Variants in RIPOR3 observed in about 807,000 individuals in gnomAD.
RIPOR3 encodes family with sequence similarity 65 member C.
Under a neutral mutation model 114.3 loss-of-function variants are expected in RIPOR3, and 95 were observed. The ratio of observed to expected loss-of-function variants is 0.83; its 90% CI spans 0.70 to 0.99. The LOEUF (loss-of-function observed/expected upper bound fraction) is 0.99, where lower values mean the gene tolerates loss of function less well. Ranked by LOEUF, RIPOR3 falls within the 50% of genes least tolerant of loss-of-function variation. The pLI, the probability that RIPOR3 is intolerant of heterozygous loss-of-function variation, is 0.00. For synonymous variants in RIPOR3, 575 were observed against 543.8 expected, an observed-to-expected ratio of 1.06 and a Z score of -0.80; for missense variants, 1,252 against 1,266.9, an observed-to-expected ratio of 0.99 and a Z score of 0.18.
chr20:50,626,549 C>G (rs560803196), intron 2 of RIPOR3, among the ~76,000 whole-genome samples: 4 of 152,190 alleles, frequency 2.6e-5, no homozygotes, highest in Non-Finnish European at 5.9e-5. Flanking sequence ...AGAGGCCTAC[C>G]GTGGGGGCAC....
chr20:50,676,959 T>C (rs1368188081), intron 1 of RIPOR3, among the ~76,000 whole-genome samples: 1 of 152,144 alleles, frequency 6.6e-6, no homozygotes, highest in Admixed American at 6.6e-5. Flanking sequence ...ACCAGCTGCG[T>C]GCACCGCATT....
rs182759131 is a variant in RIPOR3 at position 50,633,245 on chromosome 20, G to A, written c.4-2389C>T. On this transcript the variant is annotated intron_variant, in intron 1 of 21. Coordinates refer to ENST00000327979, the MANE Select transcript of RIPOR3 (RefSeq NM_001290268.2). ...CCACTGCACTCCAGCCTGGGCAACAGAGCAAGACTCTGACTAAAAAAAACA... is the reference window on the plus strand; with the variant it reads ...CCACTGCACTCCAGCCTGGGCAACAAAGCAAGACTCTGACTAAAAAAAACA... Among the ~76,000 whole-genome samples, 18 of 152,226 alleles carry A rather than the reference G, an allele frequency of 1.2e-4. No individual in the cohort carries two copies. The East Asian group carries it at 2.7e-3, about 23-fold the overall frequency.
intron 1 of RIPOR3, among the ~76,000 whole-genome samples, chr20:50,690,394 T>C (rs558014565): frequency 6.6e-6 from 1 of 152,300 alleles, no homozygotes; most frequent in East Asian, 1.9e-4. Flanking sequence ...CGTTCAAGCC[T>C]GGAGCCCCTG....
chr20:50,690,451 TA>T (rs2087171791), intron 1 of RIPOR3, among the ~76,000 whole-genome samples: 1 of 152,156 alleles, frequency 6.6e-6, no homozygotes, highest in Admixed American at 6.5e-5. Context: ...ACACATCCTT[TA>T]GAGAGTAAAA....
intron 1 of RIPOR3, among the ~76,000 whole-genome samples, chr20:50,667,403 C>T (rs1184633245): frequency 1.3e-5 from 2 of 148,306 alleles, no homozygotes; most frequent in African/African-American, 5.0e-5. Flanking sequence ...AAGTGATTCT[C>T]CTGCCTCAAC....
intron 4 of RIPOR3, among the ~76,000 whole-genome samples, chr20:50,613,664 A>G (rs1055349983): frequency 2.0e-5 from 3 of 152,142 alleles, no homozygotes; most frequent in East Asian, 3.9e-4. Flanking sequence ...GTGCCCATCT[A>G]TGACATGGGA....
At chr20:50,670,692 T>G (rs939330346) in intron 1 of RIPOR3, among the ~76,000 whole-genome samples, 4 of 152,046 alleles carry the variant, frequency 2.6e-5, no homozygotes, top group African/African-American at 9.7e-5. Flanking sequence ...TAAACACCCA[T>G]GAAGTGAGTC....
intron 1 of RIPOR3, among the ~76,000 whole-genome samples, chr20:50,679,079 T>G (rs529440478): frequency 4.0e-4 from 43 of 107,252 alleles, no homozygotes; most frequent in African/African-American, 1.6e-3. Flanking sequence ...CACTCCAGCC[T>G]GGGTGACAAA....
At position 50,630,851 on chromosome 20, in the gene RIPOR3, G is replaced by A; in HGVS notation, c.9C>T (p.Thr3=). 3 of 1,599,152 alleles carry A rather than the reference G, an allele frequency of 1.9e-6. No homozygotes were observed. Among genetic ancestry groups the A allele is most frequent in the Non-Finnish European group, 2.6e-6 (3 of 1,173,434 alleles). MV[T]TMSVRLRFLS... ...GGAACCGCAACCTCACCGACATGGT[G>A]GTCACCTGCAAGGAGAGGACAGGAG... The change falls in exon 2 of 22, where the codon ACC becomes ACT. Residue 3 remains threonine, a synonymous_variant. Coordinates refer to ENST00000327979, the MANE Select transcript of RIPOR3 (RefSeq NM_001290268.2).
At chr20:50,675,693 C>G (rs570159453) in intron 1 of RIPOR3, among the ~76,000 whole-genome samples, 91 of 152,326 alleles carry the variant, frequency 6.0e-4, no homozygotes, top group Non-Finnish European at 8.7e-4. Flanking sequence ...TCATCTGACT[C>G]CAATGCCAAC....
Position 50,586,947 on chromosome 20 carries a change from G to A in RIPOR3, c.*285C>T. 1 of 361,772 alleles carries A rather than the reference G, an allele frequency of 2.8e-6. No homozygotes were observed. Among genetic ancestry groups the A allele is most frequent in the Non-Finnish European group, 5.1e-6 (1 of 195,604 alleles). 22.4% of individuals were successfully genotyped at this position (361,772 alleles called of 1,614,324 possible). On this transcript the variant is annotated 3_prime_UTR_variant, in exon 22 of 22. Coordinates refer to ENST00000327979, the MANE Select transcript of RIPOR3 (RefSeq NM_001290268.2). ...TGGCCACCTAGTTTGGCTCAGCTCTGCATCTCGGGGAAGGTCACACAGACC... is the reference window on the plus strand; with the variant it reads ...TGGCCACCTAGTTTGGCTCAGCTCTACATCTCGGGGAAGGTCACACAGACC...
At chr20:50,620,628 AAAATAAATAAATAAAT>A (rs146738887) in intron 2 of RIPOR3, 192 of 162,806 alleles carry the variant, frequency 1.2e-3, no homozygotes, top group African/African-American at 4.3e-3. Flanking sequence ...CTCAGTCTTA[AAAATAAATAAATAAAT>A]AAATAAATAA....
intron 13 of RIPOR3, among the ~76,000 whole-genome samples, chr20:50,600,606 C>T (rs148172857): frequency 4.0e-4 from 61 of 151,708 alleles, no homozygotes; most frequent in African/African-American, 1.4e-3. Context: ...AAAAAATAAA[C>T]AAAATTAGCC....
intron 3 of RIPOR3, among the ~76,000 whole-genome samples, chr20:50,617,869 G>C (rs761837846): frequency 1.3e-5 from 2 of 151,958 alleles, no homozygotes; most frequent in African/African-American, 2.4e-5. Context: ...TGATCCGCCT[G>C]CCTCCGCCTC....
chr20:50,609,279 C>G lies in RIPOR3; in HGVS notation c.640+14G>C. ...CCAGAAAGGCCTCCGCCCACCCCCT[C>G]TCAGCCCTGTTACCTTTCATCCTGA... On this transcript the variant is annotated intron_variant, in intron 8 of 21. Transcript: ENST00000327979. 1.2e-6 allele frequency: 2 copies of G among 1,613,522 alleles called. No homozygotes were observed. The highest frequency in any genetic ancestry group is 1.7e-6 in the Non-Finnish European group (2 of 1,179,614).
intron 12 of RIPOR3, among the ~76,000 whole-genome samples, chr20:50,604,034 T>C (rs1328875634): frequency 6.6e-6 from 1 of 151,776 alleles, no homozygotes; most frequent in South Asian, 2.1e-4. Context: ...ATACGAAAAT[T>C]AGCCAGATGT....
At chr20:50,644,057 C>T (rs898523039) in intron 1 of RIPOR3, among the ~76,000 whole-genome samples, 94 of 151,882 alleles carry the variant, frequency 6.2e-4, no homozygotes, top group African/African-American at 2.2e-3. Context: ...GAGTTCAAGG[C>T]TGCAGTGAGC....
chr20:50,609,447 C>A, intron 7 of RIPOR3, 91 bp from the exon 8 acceptor site: 1 of 1,520,756 alleles, frequency 6.6e-7, no homozygotes, highest in Non-Finnish European at 8.8e-7. Flanking sequence ...AGGCCACAGG[C>A]AGAGAGACGC....
chr20:50,637,161 C>G (rs942993850), intron 1 of RIPOR3, among the ~76,000 whole-genome samples: 4 of 152,156 alleles, frequency 2.6e-5, no homozygotes, highest in African/African-American at 9.7e-5. Context: ...CAGTCCAACT[C>G]GCTCATTTTA....
Sources: gnomAD v4.1 joint callset for allele counts (sites outside exome capture counted in the v4.1 genomes callset) on GRCh38, gnomAD v4.1.1 for gene constraint, MANE v1.5 for transcripts, NCBI Gene and HGNC (gene_info 2026-07-23, HGNC 2026-07-21) for gene names.